HEXA: variants seen among roughly 807,000 people sequenced by gnomAD.
The protein encoded by HEXA is beta-hexosaminidase subunit alpha.
Under a neutral mutation model 73.3 loss-of-function variants are expected in HEXA, and 54 were observed. The ratio of observed to expected loss-of-function variants is 0.74; its 90% CI spans 0.59 to 0.92. The LOEUF is 0.92. HEXA is among the 40% of genes least tolerant of loss of function. The pLI is 0.00. For missense variants in HEXA, 649 were observed against 653.0 expected, an observed-to-expected ratio of 0.99 and a Z score of 0.07; for synonymous variants, 230 against 246.9, an observed-to-expected ratio of 0.93 and a Z score of 0.64.
In HEXA at chr15:72,355,607, C is replaced by G. The variant is rs2088766688; in HGVS notation, c.364G>C (p.Asp122His). The change falls in exon 3 of 14, where the codon GAT (aspartate) becomes CAT (histidine). Residue 122 changes from aspartate to histidine, a missense_variant. Asp to His is a moderately conservative substitution (Grantham distance 81, BLOSUM62 -1). Coordinates refer to ENST00000268097, the MANE Select transcript of HEXA (RefSeq NM_000520.6). ...TCAGAGAGGAGTAAACACTGGTCAT[C>G]ATTTATGGTCAGGGTATCTGAAATG... ...SVENYTLTIN[D>H]DQCLLLSETV... 2 of 1,610,698 alleles carry G rather than the reference C, an allele frequency of 1.2e-6. No individual in the cohort carries two copies. The highest frequency in any genetic ancestry group is 2.7e-5 in the African/African-American group (2 of 74,736).
rs960869164 is a variant in HEXA, at chr15:72,347,687, T to G, written c.1145A>C (p.Lys382Thr). The G allele has an allele frequency of 7.4e-6, 12 of 1,613,964 alleles. No homozygotes were observed. The highest frequency in any genetic ancestry group is 1.0e-5 in the Non-Finnish European group (12 of 1,179,846). The change falls in exon 10 of 14, where the codon AAG becomes ACG. Residue 382 changes from lysine to threonine, a missense_variant and splice_region_variant. Transcript: ENST00000268097. The stretch of plus-strand genomic sequence containing the variant: ...CTTCTCTTCTCTGCCCCGGCTCACC[T>G]TTACTTTATTATCAAACACCTCCTG... ...VWQEVFDNKV[K>T]IQPDTIIQVW...
At chr15:72,367,474 C>T (rs2088932558) in intron 1 of HEXA, among the ~76,000 whole-genome samples, 2 of 152,178 alleles carry the variant, frequency 1.3e-5, no homozygotes, top group South Asian at 2.1e-4. Flanking sequence ...CAACTTCAGC[C>T]ACTACTCTCT....
At chr15:72,367,426 A>G in intron 1 of HEXA, among the ~76,000 whole-genome samples, 1 of 152,126 alleles carries the variant, frequency 6.6e-6, no homozygotes, top group East Asian at 1.9e-4. Flanking sequence ...ATCTCTCTTC[A>G]GTCTTTCTAG....
intron 1 of HEXA, among the ~76,000 whole-genome samples, chr15:72,368,366 A>G (rs920161763): frequency 2.0e-5 from 3 of 152,242 alleles, no homozygotes; most frequent in Non-Finnish European, 4.4e-5. Flanking sequence ...AAATTTATGC[A>G]TGACTGGAAT....
chr15:72,342,802 C>G lies in HEXA; in HGVS notation c.*1275G>C, dbSNP rs1048571492. The G allele has an allele frequency of 6.6e-6, 1 of 152,282 alleles. No individual in the cohort carries two copies. Among genetic ancestry groups the G allele is most frequent in the African/African-American group, 2.4e-5 (1 of 41,462 alleles). The allele number at this position is 152,282 out of a possible 1,614,324, so 9.4% of individuals were successfully genotyped here. A position where few individuals can be genotyped will look rare whatever the true frequency, so the allele number is the denominator to read the frequency against. On this transcript the variant is annotated 3_prime_UTR_variant, in exon 14 of 14. Coordinates refer to ENST00000268097, the MANE Select transcript of HEXA (RefSeq NM_000520.6). ...GTCCTTCAAATTCAACAATTTACCA[C>G]AGGCCCGCGTGCGGTGGCTCACGCC...
intron 1 of HEXA, among the ~76,000 whole-genome samples, chr15:72,363,074 T>C: frequency 6.6e-6 from 1 of 152,178 alleles, no homozygotes; most frequent in East Asian, 1.9e-4. Flanking sequence ...CTTTCTTCTC[T>C]TCCCCCTCCC....
intron 3 of HEXA, 190 bp from the exon 4 acceptor site, chr15:72,353,927 G>A (rs1479695752): frequency 1.6e-6 from 1 of 642,128 alleles, no homozygotes; most frequent in Admixed American, 2.5e-5. Context: ...CTTTACTTCT[G>A]TATTTCATTT....
At chr15:72,351,387 A>T in intron 5 of HEXA, 153 bp from the exon 6 acceptor site, 1 of 693,806 alleles carries the variant, frequency 1.4e-6, no homozygotes, top group Admixed American at 2.0e-5. Context: ...GGTCTATCAA[A>T]CCTTCCCATC....
intron 6 of HEXA, 199 bp from the exon 7 acceptor site, chr15:72,350,849 G>A: frequency 4.7e-6 from 3 of 640,858 alleles, no homozygotes; most frequent in Non-Finnish European, 8.3e-6. Context: ...CATAATGCCA[G>A]TGAGATAATC....
intron 1 of HEXA, among the ~76,000 whole-genome samples, chr15:72,370,839 G>A (rs2088982700): frequency 6.6e-6 from 1 of 152,108 alleles, no homozygotes; most frequent in African/African-American, 2.4e-5. Context: ...TAAAAACTGT[G>A]CTTCTGCCAT....
chr15:72,355,400 C>A (rs372466125), intron 3 of HEXA, 159 bp downstream of exon 3: 2 of 689,946 alleles, frequency 2.9e-6, no homozygotes, highest in Middle Eastern at 2.7e-4. Flanking sequence ...GTGGCAGGCA[C>A]CTGTAATCCC....
intron 5 of HEXA, 97 bp from the exon 6 acceptor site, chr15:72,351,331 C>G (rs1385096094): frequency 1.0e-5 from 8 of 794,430 alleles, no homozygotes; most frequent in Non-Finnish European, 1.8e-5. Context: ...GCTCCACACA[C>G]CCCTACAGGC....
intron 1 of HEXA, chr15:72,358,535 G>C (rs915045531): frequency 6.6e-6 from 1 of 152,188 alleles, no homozygotes; most frequent in Non-Finnish European, 1.5e-5. Flanking sequence ...CTTTTGGAGA[G>C]TCACAGACTC....
chr15:72,353,893 G>A, intron 3 of HEXA, 156 bp from the exon 4 acceptor site: 1 of 690,606 alleles, frequency 1.4e-6, no homozygotes, highest in Non-Finnish European at 2.7e-6. Flanking sequence ...GATGAAAAGG[G>A]GATATTAGGA....
intron 6 of HEXA, 25 bp downstream of exon 6, chr15:72,351,108 T>A (rs2088688905): frequency 7.0e-7 from 1 of 1,418,492 alleles, no homozygotes; most frequent in Admixed American, 1.7e-5. Flanking sequence ...CCCATAAACT[T>A]GGTCTGAGTG....
At position 72,343,021 on chromosome 15, in the gene HEXA, A is replaced by T. The variant is rs1464925268; in HGVS notation, c.*1056T>A. On this transcript the variant is annotated 3_prime_UTR_variant, in exon 14 of 14. Transcript: ENST00000268097. The stretch of plus-strand genomic sequence containing the variant: ...CGGATCACGAGGTCAGGAGATCGAG[A>T]CCATCCTGGCTAACACGGAGAAACC... The T allele has an allele frequency of 6.6e-6, 1 of 152,224 alleles. No individual in the cohort carries two copies. Among genetic ancestry groups the T allele is most frequent in the African/African-American group, 2.4e-5 (1 of 41,466 alleles). The allele number at this position is 152,224 out of a possible 1,614,324, so 9.4% of individuals were successfully genotyped here.
rs758099765 is a variant in HEXA at position 72,346,344 on chromosome 15, C to G, written c.1331-19G>C. ...GGGGTACCTGAGGGAAAACAAGCAACAACAGTCTGGTGATGGTGGGGTAAC... is the reference window on the plus strand; with the variant it reads ...GGGGTACCTGAGGGAAAACAAGCAAGAACAGTCTGGTGATGGTGGGGTAAC... On this transcript the variant is annotated intron_variant, in intron 11 of 13. Transcript: ENST00000268097. The G allele has an allele frequency of 8.1e-6, 13 of 1,604,508 alleles. 2 individuals are homozygous for G. The South Asian group carries it at 1.4e-4, about 18-fold the overall frequency.
At chr15:72,352,519 C>T (rs1233994845) in intron 5 of HEXA, among the ~76,000 whole-genome samples, 1 of 151,942 alleles carries the variant, frequency 6.6e-6, no homozygotes, top group Non-Finnish European at 1.5e-5. Context: ...GAAGCCAATT[C>T]CCCTAAACAT....
intron 1 of HEXA, chr15:72,370,765 C>A (rs185484341): frequency 7.6e-6 from 3 of 394,070 alleles, no homozygotes; most frequent in South Asian, 1.4e-4. Flanking sequence ...TGGAAGACTG[C>A]AGGCCAAGCT....
Sources: allele counts gnomAD v4.1 joint callset (sites outside exome capture counted in the v4.1 genomes callset), GRCh38; gene constraint gnomAD v4.1.1; transcripts MANE v1.5; gene names NCBI Gene and HGNC (gene_info 2026-07-23, HGNC 2026-07-21).